IL23R: variants seen among roughly 807,000 people sequenced by gnomAD.
The protein encoded by IL23R is interleukin 23 receptor, also known as interleukin-23 receptor.
In IL23R, 34 loss-of-function variants were observed where a neutral mutation model predicts 56.9. The ratio of observed to expected loss-of-function variants is 0.60; its 90% confidence interval spans 0.45 to 0.80. The LOEUF (loss-of-function observed/expected upper bound fraction) is 0.80. IL23R is among the 30% of genes least tolerant of loss of function. The pLI, the probability that IL23R is intolerant of heterozygous loss-of-function variation, is 0.00. For missense variants in IL23R, 635 were observed against 730.0 expected (o/e 0.87, Z 1.50); for synonymous variants, 230 against 249.2 (o/e 0.92, Z 0.73).
At chr1:67,164,128 C>A (rs898946522), upstream of IL23R, among the ~76,000 whole-genome samples, 1 of 152,052 alleles carries the variant, frequency 6.6e-6, no homozygotes. Context: ...AGGTTAATAT[C>A]CAAAATACAT....
chr1:67,211,576 T>A (rs1319899729), intron 6 of IL23R, among the ~76,000 whole-genome samples: 2 of 150,970 alleles, frequency 1.3e-5, no homozygotes, highest in South Asian at 2.1e-4. Flanking sequence ...TGAGCCAAGA[T>A]GGAGCCACTG....
intron 3 of IL23R, among the ~76,000 whole-genome samples, chr1:67,176,682 C>T (rs1053478648): frequency 5.3e-5 from 8 of 152,040 alleles, no homozygotes; most frequent in South Asian, 2.1e-4. Context: ...ATGTGCACAA[C>T]GTGCAGGCTT....
At chr1:67,183,077 C>A in intron 4 of IL23R, 118 bp downstream of exon 4, 2 of 1,135,902 alleles carry the variant, frequency 1.8e-6, no homozygotes, top group South Asian at 1.3e-5. Flanking sequence ...CCTGATTTAT[C>A]CCTTATTTCC....
intron 10 of IL23R, among the ~76,000 whole-genome samples, 188 bp downstream of exon 10, chr1:67,256,115 G>C: frequency 6.6e-6 from 1 of 152,196 alleles, no homozygotes; most frequent in East Asian, 1.9e-4. Flanking sequence ...CAATAGAGTT[G>C]GGGGAAAGAA....
chr1:67,176,044 A>G (rs951015824), intron 3 of IL23R, among the ~76,000 whole-genome samples: 2 of 152,174 alleles, frequency 1.3e-5, no homozygotes, highest in Non-Finnish European at 2.9e-5. Context: ...ATGCTGCTCA[A>G]TGACATCAAA....
chr1:67,203,043 A>G (rs1648751102), intron 5 of IL23R, among the ~76,000 whole-genome samples: 1 of 152,208 alleles, frequency 6.6e-6, no homozygotes. Context: ...CGATAGATAA[A>G]TTAATGATGT....
intron 6 of IL23R, among the ~76,000 whole-genome samples, chr1:67,218,322 G>A (rs28651399): frequency 2.6e-5 from 2 of 76,956 alleles, no homozygotes; most frequent in African/African-American, 1.0e-4. Context: ...ACACATATAT[G>A]CATATGTGTG....
chr1:67,184,262 C>G (rs1006768668), intron 4 of IL23R, among the ~76,000 whole-genome samples: 8 of 149,994 alleles, frequency 5.3e-5, no homozygotes, highest in Non-Finnish European at 1.2e-4. Flanking sequence ...AAATAAGATG[C>G]CGGCTGGGCG....
chr1:67,142,071 G>A (rs1570750091), intron 1 of IL23R, among the ~76,000 whole-genome samples: 1 of 152,274 alleles, frequency 6.6e-6, no homozygotes, highest in African/African-American at 2.4e-5. Context: ...CACGATGGCT[G>A]GGAAAGGGAG....
chr1:67,263,141 A>T, downstream of IL23R, among the ~76,000 whole-genome samples: 1 of 110,898 alleles, frequency 9.0e-6, no homozygotes, highest in Non-Finnish European at 1.8e-5. Flanking sequence ...TTAACAGGTC[A>T]CCCAGGCTGG....
In IL23R at chr1:67,207,155, T is replaced by G. The variant is rs749768747; in HGVS notation, c.798+100T>G. On this transcript the variant is annotated intron_variant, in intron 6 of 10. Coordinates refer to ENST00000347310, the MANE Select transcript of IL23R (RefSeq NM_144701.3). ...CTTATTATGTCTATTTTACATGTTT[T>G]TAATCTGATTGTTTGCATGATATTC... 2.4e-5 allele frequency: 30 copies of G among 1,245,690 alleles called. No homozygotes were observed. The East Asian group carries it at 7.1e-4, about 30-fold the overall frequency. 77.2% of individuals were successfully genotyped at this position (1,245,690 alleles called of 1,614,324 possible). A position where few individuals can be genotyped will look rare whatever the true frequency, so the allele number is the denominator to read the frequency against.
At chr1:67,241,272 A>T (rs1473228178) in intron 9 of IL23R, among the ~76,000 whole-genome samples, 1 of 152,226 alleles carries the variant, frequency 6.6e-6, no homozygotes, top group African/African-American at 2.4e-5. Flanking sequence ...GTAAGGTGGC[A>T]ACAAGGACTG....
chr1:67,236,098 C>A (rs1304631300), intron 7 of IL23R, among the ~76,000 whole-genome samples: 1 of 152,210 alleles, frequency 6.6e-6, no homozygotes, highest in Non-Finnish European at 1.5e-5. Flanking sequence ...TCACCCCACC[C>A]TGGTCAGAAT....
At chr1:67,172,062 G>A (rs1159229325) in intron 3 of IL23R, among the ~76,000 whole-genome samples, 2 of 152,114 alleles carry the variant, frequency 1.3e-5, no homozygotes, top group Non-Finnish European at 2.9e-5. Flanking sequence ...TAGGCCTCTG[G>A]TTATGAGTGT....
intron 3 of IL23R, among the ~76,000 whole-genome samples, chr1:67,179,553 T>C (rs1647060240): frequency 6.6e-6 from 1 of 152,032 alleles, no homozygotes; most frequent in African/African-American, 2.4e-5. Context: ...TTTTGTTGAT[T>C]TTTTCAAAAA....
chr1:67,200,079 G>C (rs939854464), intron 4 of IL23R, among the ~76,000 whole-genome samples: 2 of 152,058 alleles, frequency 1.3e-5, no homozygotes, highest in Admixed American at 1.3e-4. Flanking sequence ...TCGCTCTGTC[G>C]CCCCTGCTGG....
chr1:67,181,301 G>A (rs1647137971), intron 3 of IL23R, among the ~76,000 whole-genome samples: 1 of 152,118 alleles, frequency 6.6e-6, no homozygotes, highest in Admixed American at 6.5e-5. Context: ...TTTTCACATA[G>A]TCCCGTATTT....
intron 9 of IL23R, among the ~76,000 whole-genome samples, chr1:67,247,701 C>T (rs187190204): frequency 6.6e-6 from 1 of 152,264 alleles, no homozygotes; most frequent in Non-Finnish European, 1.5e-5. Context: ...GATGCGGTTT[C>T]TTCATAGTGT....
chr1:67,228,618 A>G (rs1446290169), intron 7 of IL23R, among the ~76,000 whole-genome samples: 1 of 152,132 alleles, frequency 6.6e-6, no homozygotes, highest in Non-Finnish European at 1.5e-5. Flanking sequence ...ATAGTTCTGG[A>G]GGTGAGAAAT....
Sources: allele counts gnomAD v4.1 joint callset (sites outside exome capture counted in the v4.1 genomes callset), GRCh38; gene constraint gnomAD v4.1.1; transcripts MANE v1.5; gene names NCBI Gene and HGNC (gene_info 2026-07-23, HGNC 2026-07-21).